The following CHST9 variants were observed in gnomAD, a reference collection of about 807,000 sequenced individuals.
The protein encoded by CHST9 is carbohydrate sulfotransferase 9, also known as GalNAc-4-sulfotransferase 2.
Under a neutral mutation model 44.4 loss-of-function variants are expected in CHST9, and 41 were observed. The ratio of observed to expected loss-of-function variants is 0.92; its 90% CI spans 0.72 to 1.20. The LOEUF (loss-of-function observed/expected upper bound fraction) is 1.20. Among genes scored for constraint, CHST9 ranks in the 50% most tolerant of loss-of-function variants. CHST9 has a pLI of 0.00. For synonymous variants in CHST9, 171 were observed against 178.4 expected, an observed-to-expected ratio of 0.96 and a Z score of 0.33; for missense variants, 504 against 516.5, an observed-to-expected ratio of 0.98 and a Z score of 0.23.
intron 5 of CHST9, among the ~76,000 whole-genome samples, chr18:26,932,334 T>A (rs1219318290): frequency 2.0e-5 from 3 of 152,192 alleles, no homozygotes; most frequent in Non-Finnish European, 4.4e-5. Flanking sequence ...AATCTCCTTA[T>A]CTTCATGGGA....
chr18:26,987,167 T>C (rs1598617429), intron 4 of CHST9, among the ~76,000 whole-genome samples: 1 of 152,158 alleles, frequency 6.6e-6, no homozygotes, highest in Non-Finnish European at 1.5e-5. Flanking sequence ...TGACAATAAG[T>C]CAGTTCTAGC....
chr18:26,975,247 C>T (rs1213920197), intron 4 of CHST9, among the ~76,000 whole-genome samples: 2 of 152,132 alleles, frequency 1.3e-5, no homozygotes, highest in African/African-American at 4.8e-5. Flanking sequence ...ACATAGGGAA[C>T]AGGAAGGAGC....
In CHST9 at chr18:27,168,077, A is replaced by ATTTT. The variant is rs55651220; in HGVS notation, c.-97+17055_-97+17058dup. 7.1e-4 allele frequency among the ~76,000 whole-genome samples: 99 copies of ATTTT among 140,142 alleles called. 1 individual carries two copies. The highest frequency in any genetic ancestry group is 2.2e-3 in the African/African-American group (83 of 37,490). 91.9% of individuals were successfully genotyped at this position (140,142 alleles called of 152,430 possible). ...TCAGAGGAGTGAAAAGATTATACCTATTTTTTTTTTTTTTTGAGACGGAGT... is the reference window on the plus strand; with the variant it reads ...TCAGAGGAGTGAAAAGATTATACCTATTTTTTTTTTTTTTTTTTTGAGACGGAGT... On this transcript the variant is annotated intron_variant, in intron 1 of 5. Coordinates refer to ENST00000618847, the MANE Select transcript of CHST9 (RefSeq NM_031422.6).
At chr18:26,986,593 C>T (rs576828403) in intron 4 of CHST9, among the ~76,000 whole-genome samples, 50 of 152,148 alleles carry the variant, frequency 3.3e-4, no homozygotes, top group African/African-American at 1.2e-3. Context: ...GAAACCTCAA[C>T]CACAGAAAAT....
chr18:27,151,365 C>T (rs1176200481), intron 1 of CHST9, among the ~76,000 whole-genome samples: 1 of 152,016 alleles, frequency 6.6e-6, no homozygotes, highest in Non-Finnish European at 1.5e-5. Context: ...TATCCAGTTT[C>T]CTCAAAGGAT....
At chr18:27,184,740 T>C (rs1426845866) in intron 1 of CHST9, among the ~76,000 whole-genome samples, 1 of 152,152 alleles carries the variant, frequency 6.6e-6, no homozygotes, top group East Asian at 1.9e-4. Context: ...TGCCGTCCTC[T>C]TTCCAACCTC....
chr18:26,937,918 A>T (rs1175988011), intron 5 of CHST9, among the ~76,000 whole-genome samples: 1 of 152,208 alleles, frequency 6.6e-6, no homozygotes, highest in African/African-American at 2.4e-5. Flanking sequence ...TAAAGTGGAG[A>T]TTAAAATCCT....
intron 4 of CHST9, among the ~76,000 whole-genome samples, chr18:27,013,648 A>C (rs888249372): frequency 6.6e-6 from 1 of 152,188 alleles, no homozygotes; most frequent in Non-Finnish European, 1.5e-5. Context: ...CATTATTGAG[A>C]ATTTCCCTAG....
At chr18:26,952,625 TTACTAG>T in intron 4 of CHST9, 2 of 295,656 alleles carry the variant, frequency 6.8e-6, no homozygotes, top group South Asian at 7.1e-5. Flanking sequence ...TCTGGGTAAG[TTACTAG>T]TCCCTCAGAA....
chr18:26,947,666 A>G (rs551116585), intron 4 of CHST9, among the ~76,000 whole-genome samples: 6 of 152,340 alleles, frequency 3.9e-5, no homozygotes, highest in African/African-American at 1.4e-4. Flanking sequence ...ATCACTGGTC[A>G]TTAGAGAAAT....
chr18:26,973,790 T>C (rs577626253), intron 4 of CHST9, among the ~76,000 whole-genome samples: 53 of 152,298 alleles, frequency 3.5e-4, no homozygotes, highest in African/African-American at 1.2e-3. Flanking sequence ...TTTTTGTATC[T>C]GTTTCCCCCA....
chr18:27,117,683 T>C (rs1405753336), intron 2 of CHST9, among the ~76,000 whole-genome samples: 3 of 152,180 alleles, frequency 2.0e-5, no homozygotes, highest in Non-Finnish European at 4.4e-5. Context: ...TTTACTAATA[T>C]GCATTTTTAA....
chr18:26,961,089 C>T (rs1388887414), intron 4 of CHST9, among the ~76,000 whole-genome samples: 1 of 152,192 alleles, frequency 6.6e-6, no homozygotes, highest in Non-Finnish European at 1.5e-5. Flanking sequence ...ATGAGGCATA[C>T]AGATACTAAC....
chr18:26,925,122 G>A (rs866532787), intron 5 of CHST9, among the ~76,000 whole-genome samples: 4 of 151,956 alleles, frequency 2.6e-5, no homozygotes, highest in Non-Finnish European at 5.9e-5. Context: ...AAAACTTGGT[G>A]CATTAAAGGA....
At chr18:27,113,099 G>C (rs1005881414) in intron 2 of CHST9, among the ~76,000 whole-genome samples, 4 of 151,662 alleles carry the variant, frequency 2.6e-5, no homozygotes, top group East Asian at 3.9e-4. Flanking sequence ...TGAGGCAGGA[G>C]AATGGCATGA....
At chr18:27,078,497 C>CAT in intron 2 of CHST9, among the ~76,000 whole-genome samples, 1 of 152,236 alleles carries the variant, frequency 6.6e-6, no homozygotes, top group African/African-American at 2.4e-5. Context: ...ATCTCTCTCA[C>CAT]ATATATTATA....
chr18:27,065,643 GA>G (rs1393406575), intron 2 of CHST9, among the ~76,000 whole-genome samples: 6 of 148,352 alleles, frequency 4.0e-5, no homozygotes, highest in Non-Finnish European at 7.4e-5. Context: ...TAGTAAGGGA[GA>G]AACGATATAA....
rs922773503 is a variant in CHST9 at position 27,113,590 on chromosome 18, C to T, written c.121+29099G>A. On this transcript the variant is annotated intron_variant, in intron 2 of 5. Transcript: ENST00000618847. Reference sequence around the variant, plus strand: ...GGAATGGGATTAGTGCCCTTTTAAACAGACCCCAGAGAGCTCACTTGCTCC... The same window carrying T: ...GGAATGGGATTAGTGCCCTTTTAAATAGACCCCAGAGAGCTCACTTGCTCC... Among the ~76,000 whole-genome samples the T allele has an allele frequency of 2.6e-5, 4 of 152,106 alleles. No homozygotes were observed. In the South Asian group the frequency reaches 8.3e-4, roughly 32 times the overall value.
At chr18:27,083,515 C>T (rs570147983) in intron 2 of CHST9, among the ~76,000 whole-genome samples, 1 of 152,184 alleles carries the variant, frequency 6.6e-6, no homozygotes, top group Non-Finnish European at 1.5e-5. Context: ...GGCCTCATAG[C>T]AAAACAGACC....
Sources: allele counts gnomAD v4.1 joint callset (sites outside exome capture counted in the v4.1 genomes callset), GRCh38; gene constraint gnomAD v4.1.1; transcripts MANE v1.5; gene names NCBI Gene and HGNC (gene_info 2026-07-23, HGNC 2026-07-21).